Variants in SASH1 observed in about 807,000 individuals in gnomAD.
SASH1 encodes the protein SAM and SH3 domain-containing protein 1.
A neutral mutation model predicts 125.2 loss-of-function variants in SASH1; 44 were observed. The observed-to-expected ratio is 0.35, with a 90% CI of 0.28 to 0.45. SASH1 has a LOEUF of 0.45. Among genes scored for constraint, SASH1 ranks in the 20% least tolerant of loss-of-function variants. SASH1 has a pLI of 1.00. For synonymous variants in SASH1, 639 were observed against 649.1 expected, an observed-to-expected ratio of 0.98 and a Z score of 0.24; for missense variants, 1,426 against 1,614.5, an observed-to-expected ratio of 0.88 and a Z score of 2.00.
chr6:148,263,058 T>C, the SASH1 span, among the ~76,000 whole-genome samples: 21 of 151,908 alleles, frequency 1.4e-4, no homozygotes, highest in African/African-American at 4.8e-4. Flanking sequence ...TCTGAAGAAG[T>C]TGGAAGAGGA....
chr6:148,534,112 T>C (rs1781693596), intron 15 of SASH1, 132 bp downstream of exon 15: 2 of 683,266 alleles, frequency 2.9e-6, no homozygotes, highest in Non-Finnish European at 2.5e-6. Context: ...AGCTCGTTAC[T>C]ATGATGAGCA....
At chr6:148,426,495 G>T (rs1269834775) in intron 2 of SASH1, among the ~76,000 whole-genome samples, 2 of 152,066 alleles carry the variant, frequency 1.3e-5, no homozygotes, top group Non-Finnish European at 2.9e-5. Flanking sequence ...GGTTTCCATT[G>T]TCCCCGGGAA....
chr6:148,434,677 A>G (rs891043825), intron 2 of SASH1, among the ~76,000 whole-genome samples: 1 of 152,190 alleles, frequency 6.6e-6, no homozygotes, highest in African/African-American at 2.4e-5. Flanking sequence ...CTATAGGTCA[A>G]ATTTCAAAAT....
chr6:148,218,355 CAT>C, the SASH1 span, among the ~76,000 whole-genome samples: 1 of 152,224 alleles, frequency 6.6e-6, no homozygotes, highest in African/African-American at 2.4e-5. Context: ...AACCCAAAAA[CAT>C]AACCTAACAT....
At chr6:148,368,777 C>CACACACACACACAT in intron 1 of SASH1, among the ~76,000 whole-genome samples, 1 of 151,576 alleles carries the variant, frequency 6.6e-6, no homozygotes, top group Non-Finnish European at 1.5e-5. Context: ...CGCGCACACA[C>CACACACACACACAT]ACACACACAC....
At chr6:148,265,314 GA>G in the SASH1 span, among the ~76,000 whole-genome samples, 1 of 125,952 alleles carries the variant, frequency 7.9e-6, no homozygotes, top group African/African-American at 2.9e-5. Context: ...TGCCAAGAAA[GA>G]AAAAGGAGGG....
chr6:148,288,169 TTTCCCTGG>T (rs1241426927), intron 1 of SASH1, among the ~76,000 whole-genome samples: 3 of 151,900 alleles, frequency 2.0e-5, no homozygotes, highest in Non-Finnish European at 2.9e-5. Flanking sequence ...TGTCAGAGAG[TTTCCCTGG>T]ATTTAATGAT....
chr6:148,546,160 A>G lies in SASH1; in HGVS notation c.3480+14A>G, dbSNP rs116058987. 1.5e-3 allele frequency: 2,471 copies of G among 1,611,630 alleles called. 44 individuals are homozygous for G. The African/African-American group carries it at 0.027, about 18-fold the overall frequency. ...CACCGCATGGCGGTGAGCAGCCCAC[A>G]GTTCTCCAGCTTCCTGAGGCACATT... On this transcript the variant is annotated intron_variant, in intron 19 of 19. Coordinates refer to ENST00000367467, the MANE Select transcript of SASH1 (RefSeq NM_015278.5).
chr6:148,240,849 A>G, the SASH1 span, among the ~76,000 whole-genome samples: 6 of 152,230 alleles, frequency 3.9e-5, no homozygotes, highest in Non-Finnish European at 1.5e-5. Flanking sequence ...GGCATAGCCA[A>G]TGATTTTGTG....
At chr6:148,283,411 G>A (rs1006119491) in intron 1 of SASH1, 1 of 152,344 alleles carries the variant, frequency 6.6e-6, no homozygotes, top group Non-Finnish European at 1.5e-5. Flanking sequence ...GTGTGTGCAT[G>A]AGTGTGCCTG....
intron 2 of SASH1, among the ~76,000 whole-genome samples, chr6:148,402,391 A>T (rs1422579380): frequency 1.3e-5 from 2 of 152,076 alleles, no homozygotes; most frequent in Non-Finnish European, 2.9e-5. Flanking sequence ...GCTCACTGCA[A>T]CCTCTGCCTC....
the SASH1 span, among the ~76,000 whole-genome samples, chr6:148,236,778 A>G: frequency 7.9e-5 from 12 of 152,204 alleles, no homozygotes; most frequent in African/African-American, 2.7e-4. Flanking sequence ...CAGGGATGCT[A>G]TGGTTTGAAT....
At chr6:148,262,901 G>C in the SASH1 span, among the ~76,000 whole-genome samples, 1 of 152,120 alleles carries the variant, frequency 6.6e-6, no homozygotes, top group Non-Finnish European at 1.5e-5. Context: ...GAAAGTAAAA[G>C]CCCAATTAAT....
At chr6:148,387,583 T>TCTTTCTTC (rs1783454203) in intron 1 of SASH1, among the ~76,000 whole-genome samples, 1 of 6,526 alleles carries the variant, frequency 1.5e-4, no homozygotes. Context: ...TTTCTTTCTT[T>TCTTTCTTC]CTTTCTTTCT....
At chr6:148,525,028 A>AAT in intron 10 of SASH1, 1 of 429,932 alleles carries the variant, frequency 2.3e-6, no homozygotes, top group Non-Finnish European at 4.2e-6. Flanking sequence ...TTTTAAAAAA[A>AAT]ATGGTTGGTT....
At position 148,533,049 on chromosome 6, in the gene SASH1, G is replaced by A; in HGVS notation, c.1734+83G>A. ...CTTTCTTTCCTCCTCACTGTTGAAT[G>A]CTGGGCTACTATGGTACAGACTGGA... is the stretch of plus-strand genomic sequence containing the variant. On this transcript the variant is annotated intron_variant, in intron 14 of 19. Transcript: ENST00000367467. The surrounding 1 kb of genome is among the most constrained non-coding windows in gnomAD (Gnocchi z 6.2). 7.0e-7 allele frequency: 1 copy of A among 1,437,398 alleles called. No homozygotes were observed. The highest frequency in any genetic ancestry group is 9.7e-7 in the Non-Finnish European group (1 of 1,030,036). The allele number at this position is 1,437,398 out of a possible 1,614,324, so 89.0% of individuals were successfully genotyped here.
upstream of SASH1, among the ~76,000 whole-genome samples, chr6:148,340,873 T>C (rs762692017): frequency 6.6e-6 from 1 of 152,184 alleles, no homozygotes; most frequent in Non-Finnish European, 1.5e-5. Flanking sequence ...CAGTGGCTCA[T>C]GCCTATAATC....
intron 2 of SASH1, among the ~76,000 whole-genome samples, chr6:148,408,230 C>G (rs1486728255): frequency 2.0e-5 from 3 of 149,456 alleles, no homozygotes; most frequent in Non-Finnish European, 4.4e-5. Context: ...GCCTCAACCT[C>G]CCAAGTAGCA....
intron 1 of SASH1, among the ~76,000 whole-genome samples, chr6:148,324,612 C>T (rs1421847238): frequency 1.3e-5 from 2 of 152,056 alleles, no homozygotes; most frequent in Non-Finnish European, 2.9e-5. Context: ...TTCTCAGCTG[C>T]AGAAAAAAGT....
Sources: allele counts gnomAD v4.1 joint callset (sites outside exome capture counted in the v4.1 genomes callset), GRCh38; gene constraint gnomAD v4.1.1; non-coding constraint Gnocchi (gnomAD v3.1); transcripts MANE v1.5; gene names NCBI Gene and HGNC (gene_info 2026-07-23, HGNC 2026-07-21).